Variants in BORCS5 observed in about 807,000 individuals in gnomAD.
The protein encoded by BORCS5 is BLOC-1 related complex subunit 5.
Under a neutral mutation model 22.1 loss-of-function variants are expected in BORCS5, and 17 were observed. The ratio of observed to expected loss-of-function variants is 0.77; its 90% CI spans 0.53 to 1.15. The LOEUF is 1.15. Ranked by LOEUF, BORCS5 falls within the 50% of genes most tolerant of loss-of-function variation. The pLI is 0.00. For synonymous variants in BORCS5, 117 were observed against 99.8 expected (o/e 1.17, Z -1.03); for missense variants, 247 against 253.2 (o/e 0.98, Z 0.17).
At chr12:12,424,758 G>T (rs1942235506) in intron 2 of BORCS5, among the ~76,000 whole-genome samples, 1 of 152,134 alleles carries the variant, frequency 6.6e-6, no homozygotes, top group Non-Finnish European at 1.5e-5. Context: ...TCAGCCAGAG[G>T]TATACATGTT....
At chr12:12,462,023 G>A (rs1404478749) in intron 3 of BORCS5, among the ~76,000 whole-genome samples, 2 of 152,188 alleles carry the variant, frequency 1.3e-5, no homozygotes, top group Admixed American at 6.5e-5. Flanking sequence ...AGAAACAGTG[G>A]AAAAGAAAAT....
intron 2 of BORCS5, among the ~76,000 whole-genome samples, chr12:12,408,299 C>A (rs1216876722): frequency 6.6e-6 from 1 of 152,204 alleles, no homozygotes; most frequent in East Asian, 1.9e-4. Context: ...GCTTTCAGTT[C>A]TTTTGGGTGC....
chr12:12,417,800 C>T (rs1443812051), intron 2 of BORCS5, among the ~76,000 whole-genome samples: 1 of 151,902 alleles, frequency 6.6e-6, no homozygotes, highest in Non-Finnish European at 1.5e-5. Context: ...TACCATCATA[C>T]CCAGTTAATT....
chr12:12,427,932 A>G (rs1005278535), intron 2 of BORCS5, among the ~76,000 whole-genome samples: 6 of 152,196 alleles, frequency 3.9e-5, no homozygotes, highest in Non-Finnish European at 2.9e-5. Flanking sequence ...ATACCATTAC[A>G]CTGGGGATTA....
intron 2 of BORCS5, among the ~76,000 whole-genome samples, chr12:12,361,969 A>C (rs950304622): frequency 1.3e-5 from 2 of 152,210 alleles, no homozygotes; most frequent in Non-Finnish European, 2.9e-5. Flanking sequence ...TCTATTAAGT[A>C]GTGGAGATTA....
rs574652118 is a variant in BORCS5, at chr12:12,383,603, CT to C, written c.202+22266del. Reference sequence around the variant, plus strand: ...TTTGTTTATCTAGGAATGTCTTTGTCTTTTTTTTTTTTGAGGGATAAATTTG... The same window carrying C: ...TTTGTTTATCTAGGAATGTCTTTGTCTTTTTTTTTTTGAGGGATAAATTTG... On this transcript the variant is annotated intron_variant, in intron 2 of 3. Transcript: ENST00000314565. 2.1e-3 allele frequency among the ~76,000 whole-genome samples: 294 copies of C among 139,228 alleles called. 3 individuals are homozygous for C. The highest frequency in any genetic ancestry group is 0.011 in the East Asian group (55 of 4,844). 91.3% of individuals were successfully genotyped at this position (139,228 alleles called of 152,430 possible). A position where few individuals can be genotyped will look rare whatever the true frequency, so the allele number is the denominator to read the frequency against.
intron 3 of BORCS5, among the ~76,000 whole-genome samples, chr12:12,460,848 T>C: frequency 6.6e-6 from 1 of 152,228 alleles, no homozygotes; most frequent in Non-Finnish European, 1.5e-5. Flanking sequence ...GGTCATAATG[T>C]ATTATCCTTT....
At chr12:12,410,298 G>C (rs1941697964) in intron 2 of BORCS5, among the ~76,000 whole-genome samples, 1 of 152,172 alleles carries the variant, frequency 6.6e-6, no homozygotes, top group Non-Finnish European at 1.5e-5. Context: ...TGAAGTCCTT[G>C]CCCATGCCTA....
Position 12,440,255 on chromosome 12 carries a change from G to T in BORCS5, c.360+4470G>T, listed in dbSNP as rs532359641. ...ATGAAAAGCTTATGTTTATAGATTT[G>T]TGTATGTGAGGGAGAAGAACGGAGG... On this transcript the variant is annotated intron_variant, in intron 3 of 3. Coordinates refer to ENST00000314565, the MANE Select transcript of BORCS5 (RefSeq NM_058169.6). Among the ~76,000 whole-genome samples, 8 of 152,328 alleles carry T rather than the reference G, an allele frequency of 5.3e-5. No homozygotes were observed. The South Asian group carries it at 1.4e-3, about 28-fold the overall frequency.
At chr12:12,370,834 T>C (rs998235806) in intron 2 of BORCS5, among the ~76,000 whole-genome samples, 11 of 151,976 alleles carry the variant, frequency 7.2e-5, no homozygotes, top group Non-Finnish European at 1.0e-4. Flanking sequence ...CTGCAAGCTC[T>C]GCCTCCTGGG....
rs188711414 is a variant in BORCS5, at chr12:12,454,471, A to G, written c.361-11075A>G. On this transcript the variant is annotated intron_variant, in intron 3 of 3. Coordinates refer to ENST00000314565, the MANE Select transcript of BORCS5 (RefSeq NM_058169.6). Reference sequence around the variant, plus strand: ...TCCTGTGTTTACTGGCCATTTGTATATCTTCTTTGGATAAATGGCTTCAGT... The same window carrying G: ...TCCTGTGTTTACTGGCCATTTGTATGTCTTCTTTGGATAAATGGCTTCAGT... Among the ~76,000 whole-genome samples, 311 of 152,296 alleles carry G rather than the reference A, an allele frequency of 2.0e-3. 2 individuals carry two copies. Among genetic ancestry groups the G allele is most frequent in the African/African-American group, 7.0e-3 (290 of 41,566 alleles).
chr12:12,427,329 C>T (rs997504688), intron 2 of BORCS5, among the ~76,000 whole-genome samples: 3 of 151,918 alleles, frequency 2.0e-5, no homozygotes, highest in East Asian at 1.9e-4. Context: ...TACAGGCACC[C>T]GCCACCACGC....
At chr12:12,444,276 A>G (rs1003287186) in intron 3 of BORCS5, among the ~76,000 whole-genome samples, 1 of 152,242 alleles carries the variant, frequency 6.6e-6, no homozygotes, top group Non-Finnish European at 1.5e-5. Context: ...AAGATGTGTA[A>G]TGGATCAAAT....
chr12:12,399,585 G>A (rs963710884), intron 2 of BORCS5, among the ~76,000 whole-genome samples: 2 of 152,210 alleles, frequency 1.3e-5, no homozygotes, highest in Non-Finnish European at 2.9e-5. Flanking sequence ...GCATTGTTAA[G>A]CTTACAATGT....
intron 2 of BORCS5, among the ~76,000 whole-genome samples, chr12:12,424,024 G>C (rs775991459): frequency 6.6e-6 from 1 of 151,918 alleles, no homozygotes; most frequent in Non-Finnish European, 1.5e-5. Flanking sequence ...GTCCTGGTGT[G>C]GGTCTCTGAA....
chr12:12,377,054 T>C (rs891094882), intron 2 of BORCS5, among the ~76,000 whole-genome samples: 2 of 152,222 alleles, frequency 1.3e-5, no homozygotes, highest in African/African-American at 4.8e-5. Flanking sequence ...CAAATCTTAC[T>C]ACCGGAGGAA....
At chr12:12,391,818 G>A (rs377033049) in intron 2 of BORCS5, among the ~76,000 whole-genome samples, 2 of 142,786 alleles carry the variant, frequency 1.4e-5, no homozygotes, top group Non-Finnish European at 3.0e-5. Context: ...GATCGCTTGA[G>A]CTCAGGAGTT....
chr12:12,412,661 T>A (rs757242591), intron 2 of BORCS5, among the ~76,000 whole-genome samples: 3 of 152,164 alleles, frequency 2.0e-5, no homozygotes, highest in Non-Finnish European at 2.9e-5. Context: ...TTATGTTGAA[T>A]AGAAGTGGTG....
At chr12:12,369,073 T>G (rs749252848) in intron 2 of BORCS5, among the ~76,000 whole-genome samples, 7 of 152,284 alleles carry the variant, frequency 4.6e-5, no homozygotes, top group Non-Finnish European at 8.8e-5. Flanking sequence ...ATTTGTCTAT[T>G]CTGGTTATTC....
Sources: allele counts gnomAD v4.1 joint callset (sites outside exome capture counted in the v4.1 genomes callset), GRCh38; gene constraint gnomAD v4.1.1; transcripts MANE v1.5; gene names NCBI Gene and HGNC (gene_info 2026-07-23, HGNC 2026-07-21).